Variants in NOS2 observed in about 807,000 individuals in gnomAD.
NOS2 encodes nitric oxide synthase, inducible.
Under a neutral mutation model 136.0 loss-of-function variants are expected in NOS2, and 96 were observed. The ratio of observed to expected loss-of-function variants is 0.71; its 90% CI spans 0.60 to 0.84. The LOEUF (loss-of-function observed/expected upper bound fraction) is 0.84, where lower values mean the gene tolerates loss of function less well. NOS2 is among the 40% of genes least tolerant of loss of function. The pLI, the probability that NOS2 is intolerant of heterozygous loss-of-function variation, is 0.00. For synonymous variants in NOS2, 539 were observed against 587.5 expected (o/e 0.92, Z 1.20); for missense variants, 1,237 against 1,496.9 (o/e 0.83, Z 2.87).
intron 24 of NOS2, 50 bp downstream of exon 24, chr17:27,760,573 A>C (rs1415542255): frequency 4.6e-5 from 72 of 1,550,462 alleles, no homozygotes; most frequent in Non-Finnish European, 5.8e-5. Context: ...GCTCCTAGGC[A>C]GGCGCTGGCC....
rs1487475565 is a variant in NOS2, at chr17:27,757,821, A to G, written c.3355-468T>C. Reference sequence around the variant, plus strand: ...CCAACTGTCTACCGACCCACTGAACACATTTGGGGAAATGCCTGTTATCTC... The same window carrying G: ...CCAACTGTCTACCGACCCACTGAACGCATTTGGGGAAATGCCTGTTATCTC... On this transcript the variant is annotated intron_variant, in intron 26 of 26. Transcript: ENST00000313735. Among the ~76,000 whole-genome samples, 14 of 152,234 alleles carry G rather than the reference A, an allele frequency of 9.2e-5. No individual in the cohort carries two copies. In the East Asian group the frequency reaches 2.7e-3, roughly 29 times the overall value.
chr17:27,761,501 G>A (rs1303514852), intron 22 of NOS2, among the ~76,000 whole-genome samples: 4 of 152,130 alleles, frequency 2.6e-5, no homozygotes, highest in Non-Finnish European at 5.9e-5. Flanking sequence ...CTTGAAAAAG[G>A]TCACTCAGGT....
chr17:27,783,843 C>T (rs899473704), intron 5 of NOS2, among the ~76,000 whole-genome samples: 2 of 152,228 alleles, frequency 1.3e-5, no homozygotes, highest in African/African-American at 2.4e-5. Flanking sequence ...TTCCATCTTC[C>T]ACCCTACGGG....
chr17:27,787,653 C>A (rs779758495), intron 5 of NOS2, 25 bp downstream of exon 5: 1 of 1,584,406 alleles, frequency 6.3e-7, no homozygotes, highest in Non-Finnish European at 8.6e-7. Flanking sequence ...CAGGAGGCAG[C>A]GACCCTGCAG....
At chr17:27,781,390 G>A (rs918991789) in intron 7 of NOS2, among the ~76,000 whole-genome samples, 1 of 152,200 alleles carries the variant, frequency 6.6e-6, no homozygotes, top group Admixed American at 6.5e-5. Flanking sequence ...ATCAGGCAGG[G>A]TTAGCTGATC....
intron 9 of NOS2, among the ~76,000 whole-genome samples, chr17:27,779,302 T>G (rs1597553073): frequency 6.8e-6 from 1 of 146,220 alleles, no homozygotes; most frequent in East Asian, 2.0e-4. Context: ...TTATTATTAT[T>G]ATTATTATTA....
intron 5 of NOS2, among the ~76,000 whole-genome samples, chr17:27,783,360 A>C (rs978556434): frequency 1.3e-5 from 2 of 152,164 alleles, no homozygotes; most frequent in Non-Finnish European, 2.9e-5. Flanking sequence ...TCATTTTTAC[A>C]TTGAGTCCTA....
Position 27,787,676 on chromosome 17 carries a change from A to C in NOS2, c.467+2T>G. 1.2e-6 allele frequency: 2 copies of C among 1,610,338 alleles called. No homozygotes were observed. The highest frequency in any genetic ancestry group is 1.7e-6 in the Non-Finnish European group (2 of 1,178,390). ...AGCGACCCTGCAGGAGGCAAGCCTT[A>C]CTCTTTGAAGGAGCCGTAATATTGG... On this transcript the variant is annotated splice_donor_variant, in intron 5 of 26. Coordinates refer to ENST00000313735, the MANE Select transcript of NOS2 (RefSeq NM_000625.4). LOFTEE classifies it high-confidence loss of function.
At chr17:27,793,512 CAG>C (rs1909257268) in intron 2 of NOS2, 2 of 395,094 alleles carry the variant, frequency 5.1e-6, no homozygotes, top group Non-Finnish European at 8.9e-6. Flanking sequence ...CGATTTCTCC[CAG>C]AGAGAGATGG....
intron 11 of NOS2, among the ~76,000 whole-genome samples, chr17:27,777,384 G>C (rs1017909786): frequency 6.6e-6 from 1 of 152,348 alleles, no homozygotes; most frequent in East Asian, 1.9e-4. Context: ...CACAGGGAAG[G>C]GAAGTGTTTC....
intron 2 of NOS2, among the ~76,000 whole-genome samples, chr17:27,796,016 A>G (rs148781958): frequency 2.0e-5 from 3 of 152,208 alleles, no homozygotes; most frequent in South Asian, 2.1e-4. Flanking sequence ...GCTGCAGCCA[A>G]CACCGTAAGG....
chr17:27,773,458 A>G (rs1422455449), intron 12 of NOS2, among the ~76,000 whole-genome samples: 1 of 152,188 alleles, frequency 6.6e-6, no homozygotes, highest in Non-Finnish European at 1.5e-5. Flanking sequence ...GAGCCTGCAC[A>G]TCGAGGGGGG....
rs1396570107 is a variant in NOS2 at position 27,781,053 on chromosome 17, T to C, written c.847A>G (p.Asn283Asp). ...PDGSIRGDPANVEFTQLCIDL... is the reference protein window; with the variant it reads ...PDGSIRGDPADVEFTQLCIDL... ...CCGGGTACCTGAGTGAATTCCACGT[T>C]GGCAGGGTCCCCTCTGATGCTGCCA... Residue 283 changes from asparagine to aspartate, a missense_variant, in exon 8 of 27, where the codon AAC (asparagine) becomes GAC (aspartate). Physicochemically the swap from Asn to Asp is conservative, Grantham distance 23. Transcript: ENST00000313735. 1 of 1,613,594 alleles carries C rather than the reference T, an allele frequency of 6.2e-7. No homozygotes were observed. The highest frequency in any genetic ancestry group is 8.5e-7 in the Non-Finnish European group (1 of 1,179,898).
rs763508911 is a variant in NOS2, at chr17:27,757,218, C to T, written c.*28G>A. On this transcript the variant is annotated 3_prime_UTR_variant, in exon 27 of 27. Coordinates refer to ENST00000313735, the MANE Select transcript of NOS2 (RefSeq NM_000625.4). ...CTGGCTCCATCCTTAAGTTCTGTGC[C>T]GGCAGCTTTAACCCCTCCTGTAGGC... The T allele has an allele frequency of 1.1e-5, 18 of 1,584,602 alleles. No individual in the cohort carries two copies. The highest frequency in any genetic ancestry group is 5.1e-5 in the Admixed American group (3 of 59,154).
At chr17:27,780,260 C>T (rs1015245578) in intron 9 of NOS2, among the ~76,000 whole-genome samples, 37 of 152,194 alleles carry the variant, frequency 2.4e-4, no homozygotes, top group Non-Finnish European at 2.2e-4. Context: ...GTTCATTCAA[C>T]GGCCAGGAAG....
rs201191201 is a variant in NOS2 at position 27,760,227 on chromosome 17, C to T, written c.3011-49G>A. 114 of 1,496,704 alleles carry T rather than the reference C, an allele frequency of 7.6e-5. No homozygotes were observed. In the East Asian group the frequency reaches 1.4e-3, roughly 18 times the overall value. The allele number at this position is 1,496,704 out of a possible 1,614,324, so 92.7% of individuals were successfully genotyped here. ...TACCATGTTGGCCACCAGAGGGCGCCAGGGCTCCAAGCCCAACTGGAATTC... is the reference window on the plus strand; with the variant it reads ...TACCATGTTGGCCACCAGAGGGCGCTAGGGCTCCAAGCCCAACTGGAATTC... On this transcript the variant is annotated intron_variant, in intron 24 of 26. Transcript: ENST00000313735.
intron 18 of NOS2, 104 bp from the exon 19 acceptor site, chr17:27,766,692 G>T: frequency 1.2e-6 from 1 of 851,134 alleles, no homozygotes. Context: ...CCACCCTTGG[G>T]GCATCCTGCT....
At position 27,781,029 on chromosome 17, in the gene NOS2, C is replaced by T. The variant is rs376766774; in HGVS notation, c.864+7G>A. 59 of 1,611,974 alleles carry T rather than the reference C, an allele frequency of 3.7e-5. No individual in the cohort carries two copies. Among genetic ancestry groups the T allele is most frequent in the African/African-American group, 3.1e-4 (23 of 74,922 alleles). ...CAATGGCCGGTGGCTGAGGCTGGGCCGGGTACCTGAGTGAATTCCACGTTG... is the reference window on the plus strand; with the variant it reads ...CAATGGCCGGTGGCTGAGGCTGGGCTGGGTACCTGAGTGAATTCCACGTTG... On this transcript the variant is annotated splice_region_variant and intron_variant, in intron 8 of 26. Transcript: ENST00000313735.
rs780179695 is a variant in NOS2, at chr17:27,788,936, A to C, written c.196-5T>G. The C allele has an allele frequency of 2.0e-5, 33 of 1,613,228 alleles. No individual in the cohort carries two copies. Among genetic ancestry groups the C allele is most frequent in the Non-Finnish European group, 2.7e-5 (32 of 1,179,478 alleles). The stretch of plus-strand genomic sequence containing the variant: ...GACCAGAGATTCTGGAGACTTCTGC[A>C]AGGGGAAAAAACAGGGTTTTCTCTC... On this transcript the variant is annotated splice_polypyrimidine_tract_variant and splice_region_variant and intron_variant, in intron 3 of 26. Transcript: ENST00000313735.
Sources: allele counts gnomAD v4.1 joint callset (sites outside exome capture counted in the v4.1 genomes callset), GRCh38; gene constraint gnomAD v4.1.1; transcripts MANE v1.5; gene names NCBI Gene and HGNC (gene_info 2026-07-23, HGNC 2026-07-21).